The following PPFIA1 variants were observed in gnomAD, a reference collection of about 807,000 sequenced individuals.
PPFIA1 encodes liprin-alpha-1.
PPFIA1 carries 25 observed loss-of-function variants against 149.9 expected under a neutral mutation model. The observed-to-expected ratio is 0.17, with a 90% CI of 0.12 to 0.23. The LOEUF is 0.23. Ranked by LOEUF, PPFIA1 falls within the 10% of genes least tolerant of loss-of-function variation. The pLI, the probability that PPFIA1 is intolerant of heterozygous loss-of-function variation, is 1.00. For missense variants in PPFIA1, 1,362 were observed against 1,506.5 expected, an observed-to-expected ratio of 0.90 and a Z score of 1.59; for synonymous variants, 549 against 552.8, an observed-to-expected ratio of 0.99 and a Z score of 0.10.
intron 2 of PPFIA1, among the ~76,000 whole-genome samples, chr11:70,301,963 T>C (rs2136358874): frequency 6.6e-6 from 1 of 152,350 alleles, no homozygotes; most frequent in Admixed American, 6.5e-5. Context: ...CTTTGCTCGG[T>C]TCCTTGTTGT....
chr11:70,337,460 C>G lies in PPFIA1; in HGVS notation c.1491+33C>G, dbSNP rs751622798. On this transcript the variant is annotated intron_variant, in intron 12 of 27. Coordinates refer to ENST00000253925, the MANE Select transcript of PPFIA1 (RefSeq NM_003626.5). ...AATCTTCTCTAAATCCATGAAGAGC[C>G]AAGTTGAACTGAGTTGATGATGATG... 1.6e-5 allele frequency: 23 copies of G among 1,482,578 alleles called. 1 individual carries two copies. In the South Asian group the frequency reaches 2.8e-4, roughly 18 times the overall value. 91.8% of individuals were successfully genotyped at this position (1,482,578 alleles called of 1,614,324 possible). A position where few individuals can be genotyped will look rare whatever the true frequency, so the allele number is the denominator to read the frequency against.
intron 2 of PPFIA1, among the ~76,000 whole-genome samples, chr11:70,308,566 T>G (rs2053036515): frequency 6.6e-6 from 1 of 152,244 alleles, no homozygotes; most frequent in Non-Finnish European, 1.5e-5. Flanking sequence ...CTGGATGTCA[T>G]ATGTTTGTAT....
chr11:70,324,614 A>G lies in PPFIA1; in HGVS notation c.366+111A>G, dbSNP rs1008786927. 1.1e-4 allele frequency: 114 copies of G among 1,009,360 alleles called. 3 individuals carry two copies. The South Asian group carries it at 1.6e-3, about 14-fold the overall frequency. 62.5% of individuals were successfully genotyped at this position (1,009,360 alleles called of 1,614,324 possible). ...CTCTGTCTGGCCTGAAATACTTTTC[A>G]TACCTTTTCCCACTGAGCAGACTGT... On this transcript the variant is annotated intron_variant, in intron 3 of 27. Coordinates refer to ENST00000253925, the MANE Select transcript of PPFIA1 (RefSeq NM_003626.5).
At position 70,381,364 on chromosome 11, in the gene PPFIA1, T is replaced by C. The variant is rs946037122; in HGVS notation, c.3551-724T>C. On this transcript the variant is annotated intron_variant, in intron 26 of 27. Transcript: ENST00000253925. Reference sequence around the variant, plus strand: ...TTAAAATCCCAGTTGTTAATGGAAATCGGGCTTACTTATGGCCACACTGTG... The same window carrying C: ...TTAAAATCCCAGTTGTTAATGGAAACCGGGCTTACTTATGGCCACACTGTG... 2.0e-5 allele frequency: 3 copies of C among 152,174 alleles called. No homozygotes were observed. The East Asian group carries it at 5.8e-4, about 29-fold the overall frequency. The allele number at this position is 152,174 out of a possible 1,614,324, so 9.4% of individuals were successfully genotyped here.
chr11:70,325,977 G>A (rs2054252507), intron 5 of PPFIA1, among the ~76,000 whole-genome samples: 1 of 150,978 alleles, frequency 6.6e-6, no homozygotes, highest in Admixed American at 6.6e-5. Flanking sequence ...GACTGTAGTT[G>A]TACATATCAC....
intron 19 of PPFIA1, among the ~76,000 whole-genome samples, chr11:70,356,978 G>A (rs543288531): frequency 7.2e-5 from 11 of 152,130 alleles, no homozygotes; most frequent in Non-Finnish European, 8.8e-5. Flanking sequence ...GGGTGAGGAC[G>A]TGGAGGAATC....
At chr11:70,336,456 T>C (rs1411840066) in intron 11 of PPFIA1, among the ~76,000 whole-genome samples, 2 of 150,168 alleles carry the variant, frequency 1.3e-5, no homozygotes, top group East Asian at 3.9e-4. Flanking sequence ...GAGCCAAGAT[T>C]GCGCCACTGT....
chr11:70,358,711 C>T (rs1012817296), intron 19 of PPFIA1: 1 of 152,218 alleles, frequency 6.6e-6, no homozygotes, highest in Non-Finnish European at 1.5e-5. Context: ...CAGATGCTTT[C>T]ACTTACAGAG....
intron 21 of PPFIA1, chr11:70,364,862 G>A (rs2135271319): frequency 6.6e-6 from 1 of 152,522 alleles, no homozygotes; most frequent in South Asian, 2.1e-4. Flanking sequence ...TAGACACACA[G>A]GCCACTGTCT....
Position 70,333,465 on chromosome 11 carries a change from G to C in PPFIA1, c.1213-5G>C, listed in dbSNP as rs1355478331. Reference sequence around the variant, plus strand: ...GACGTCAGCGTACGCTGTTTCTGCTGACAGGCTGAAGAGAGACACGGCAAC... The same window carrying C: ...GACGTCAGCGTACGCTGTTTCTGCTCACAGGCTGAAGAGAGACACGGCAAC... On this transcript the variant is annotated splice_region_variant and splice_polypyrimidine_tract_variant and intron_variant, in intron 9 of 27. Transcript: ENST00000253925. The C allele has an allele frequency of 6.2e-7, 1 of 1,611,532 alleles. No homozygotes were observed. Among genetic ancestry groups the C allele is most frequent in the East Asian group, 2.2e-5 (1 of 44,870 alleles).
chr11:70,306,945 C>G (rs1363051236), intron 2 of PPFIA1, among the ~76,000 whole-genome samples: 1 of 152,196 alleles, frequency 6.6e-6, no homozygotes, highest in East Asian at 1.9e-4. Flanking sequence ...CAGGGTATCA[C>G]AGAAAACATA....
At chr11:70,275,851 G>C (rs1042619785) in intron 2 of PPFIA1, among the ~76,000 whole-genome samples, 1 of 152,054 alleles carries the variant, frequency 6.6e-6, no homozygotes, top group Admixed American at 6.5e-5. Flanking sequence ...GTACTCACTC[G>C]GTTGCCCAGA....
At chr11:70,356,034 C>A in intron 18 of PPFIA1, 127 bp from the exon 19 acceptor site, 1 of 1,027,242 alleles carries the variant, frequency 9.7e-7, no homozygotes, top group Non-Finnish European at 1.5e-6. Flanking sequence ...ATTTGGTTGT[C>A]TAGTCAGAAA....
At chr11:70,324,076 T>C (rs1338813371) in intron 2 of PPFIA1, among the ~76,000 whole-genome samples, 1 of 152,258 alleles carries the variant, frequency 6.6e-6, no homozygotes, top group African/African-American at 2.4e-5. Flanking sequence ...TAAAATGTCT[T>C]CATTCAGTTC....
In PPFIA1 at chr11:70,342,305, C is replaced by T. The variant is rs1191951246; in HGVS notation, c.1708-1364C>T. Among the ~76,000 whole-genome samples the T allele has an allele frequency of 4.6e-5, 7 of 152,190 alleles. No homozygotes were observed. The East Asian group carries it at 1.4e-3, about 29-fold the overall frequency. ...CCTCAGAGAGGAGGAAGGCCGAGTGCAGGCCTTGGTTTTGTCTCCATGAAA... is the reference window on the plus strand; with the variant it reads ...CCTCAGAGAGGAGGAAGGCCGAGTGTAGGCCTTGGTTTTGTCTCCATGAAA... On this transcript the variant is annotated intron_variant, in intron 14 of 27. Coordinates refer to ENST00000253925, the MANE Select transcript of PPFIA1 (RefSeq NM_003626.5).
At position 70,307,191 on chromosome 11, in the gene PPFIA1, C is replaced by G. The variant is rs577211534; in HGVS notation, c.265-17211C>G. On this transcript the variant is annotated intron_variant, in intron 2 of 27. Transcript: ENST00000253925. ...CGCAGTATCTTTTAAATTACAAATT[C>G]CCTTTGACCCAGAAATTCTAAGGTT... Among the ~76,000 whole-genome samples the G allele has an allele frequency of 3.3e-5, 5 of 152,322 alleles. No homozygotes were observed. In the South Asian group the frequency reaches 1.0e-3, roughly 32 times the overall value.
chr11:70,341,004 T>C, intron 14 of PPFIA1: 1 of 350,508 alleles, frequency 2.9e-6, no homozygotes, highest in Non-Finnish European at 5.4e-6. Context: ...CCACAGCCTT[T>C]CCAGTCCTGG....
At chr11:70,351,986 A>G (rs2056081384) in intron 16 of PPFIA1, among the ~76,000 whole-genome samples, 1 of 152,156 alleles carries the variant, frequency 6.6e-6, no homozygotes, top group African/African-American at 2.4e-5. Flanking sequence ...GCTGTTCTTT[A>G]TGTTGACCCC....
At position 70,330,236 on chromosome 11, in the gene PPFIA1, G is replaced by A; in HGVS notation, c.994G>A (p.Ala332Thr). 6.2e-7 allele frequency: 1 copy of A among 1,602,664 alleles called. No homozygotes were observed. Among genetic ancestry groups the A allele is most frequent in the South Asian group, 1.1e-5 (1 of 89,046 alleles). Residue 332 changes from alanine (A) to threonine (T), a missense_variant, in exon 8 of 28, where the codon GCA becomes ACA. Ala to Thr is a moderately conservative substitution (Grantham distance 58). Around this residue, in one of 7 missense-constraint regions of PPFIA1, gnomAD observed 733 missense variants for 744.1 expected, o/e 0.99. Coordinates refer to ENST00000253925, the MANE Select transcript of PPFIA1 (RefSeq NM_003626.5). Reference protein sequence around the residue: ...ITTLEKRYLAAQREATSVHDL... With the variant: ...ITTLEKRYLATQREATSVHDL... ...TACTCTTGAAAAACGCTACCTCGCT[G>A]CACAGCGTGAAGCCACATCTGTGCA...
Sources: gnomAD v4.1 joint callset for allele counts (sites outside exome capture counted in the v4.1 genomes callset) on GRCh38, gnomAD v4.1.1 for gene constraint, gnomAD v4.1.1 regional missense constraint, MANE v1.5 for transcripts, NCBI Gene and HGNC (gene_info 2026-07-23, HGNC 2026-07-21) for gene names.